The following DRC1 variants were observed in gnomAD, a reference collection of about 807,000 sequenced individuals.
DRC1 encodes dynein regulatory complex subunit 1.
In DRC1, 74 loss-of-function variants were observed where a neutral mutation model predicts 98.7. The observed-to-expected ratio is 0.75, with a 90% CI of 0.62 to 0.91. The LOEUF (loss-of-function observed/expected upper bound fraction) is 0.91, where lower values mean the gene tolerates loss of function less well. Ranked by LOEUF, DRC1 falls within the 40% of genes least tolerant of loss-of-function variation. DRC1 has a pLI of 0.00. For synonymous variants in DRC1, 336 were observed against 334.1 expected (o/e 1.01, Z -0.06); for missense variants, 875 against 886.0 (o/e 0.99, Z 0.16).
At chr2:26,425,063 C>T (rs919146601) in intron 4 of DRC1, among the ~76,000 whole-genome samples, 1 of 152,052 alleles carries the variant, frequency 6.6e-6, no homozygotes, top group Non-Finnish European at 1.5e-5. Context: ...AATTCTATGC[C>T]CCTTAGACAC....
chr2:26,415,563 T>C (rs1572355918), intron 2 of DRC1, among the ~76,000 whole-genome samples: 1 of 152,364 alleles, frequency 6.6e-6, no homozygotes, highest in South Asian at 2.1e-4. Flanking sequence ...TGTGGGTTTT[T>C]GTTCCTGATC....
rs761559151 is a variant in DRC1, at chr2:26,454,668, G to C, written c.1941G>C (p.Arg647Ser). Residue 647 changes from arginine (R) to serine (S), a missense_variant, in exon 15 of 17, where the codon AGG becomes AGC. Arg to Ser is a moderately radical substitution (Grantham distance 110). Transcript: ENST00000288710. This position sits in a 1 kb window ranked among gnomAD's most constrained non-coding sequence, Gnocchi z 5.2. ...KKPRDSRAPL[R>S]VQKNVRDNSK... is the part of the protein sequence containing the mutation. Reference sequence around the variant, plus strand: ...TCAGGGACTCGCGGGCCCCGCTGAGGGTACAGAAGAATGTGCGTGACAACT... The same window carrying C: ...TCAGGGACTCGCGGGCCCCGCTGAGCGTACAGAAGAATGTGCGTGACAACT... 2 of 1,614,108 alleles carry C rather than the reference G, an allele frequency of 1.2e-6. No homozygotes were observed. Among genetic ancestry groups the C allele is most frequent in the South Asian group, 1.1e-5 (1 of 91,078 alleles).
intron 2 of DRC1, among the ~76,000 whole-genome samples, chr2:26,420,276 G>A (rs1663092744): frequency 1.3e-5 from 2 of 152,138 alleles, no homozygotes. Context: ...GGCTGGGAAA[G>A]GTACCTATTT....
chr2:26,427,833 AT>A (rs1663325731), intron 4 of DRC1, among the ~76,000 whole-genome samples: 1 of 152,168 alleles, frequency 6.6e-6, no homozygotes, highest in African/African-American at 2.4e-5. Context: ...CAAAGTTTGA[AT>A]TTTTGTGCCT....
chr2:26,410,561 T>C (rs1377471780), intron 1 of DRC1, among the ~76,000 whole-genome samples: 1 of 152,148 alleles, frequency 6.6e-6, no homozygotes, highest in East Asian at 1.9e-4. Flanking sequence ...CATGAGCCAC[T>C]GCACCCAGCC....
At chr2:26,433,636 C>T (rs796551274) in intron 7 of DRC1, among the ~76,000 whole-genome samples, 3 of 152,274 alleles carry the variant, frequency 2.0e-5, no homozygotes, top group African/African-American at 7.2e-5. Context: ...AATTTCATGT[C>T]CTTAATCCAA....
chr2:26,450,094 A>G lies in DRC1; in HGVS notation c.1599+9A>G. 1.2e-6 allele frequency: 2 copies of G among 1,610,416 alleles called. No homozygotes were observed. Among genetic ancestry groups the G allele is most frequent in the Non-Finnish European group, 1.7e-6 (2 of 1,178,532 alleles). On this transcript the variant is annotated intron_variant, in intron 12 of 16. Coordinates refer to ENST00000288710, the MANE Select transcript of DRC1 (RefSeq NM_145038.5). ...TGGATGCCATCTTCTCCGTGAGTCC[A>G]ACGGGGCTGGGAGGACACGGGTGGG... is the stretch of plus-strand genomic sequence containing the variant.
In DRC1 at chr2:26,439,936, T is replaced by TATATATATATATACACAC. The variant is rs548209014; in HGVS notation, c.889-441_889-440insTATATATATATACACACA. 1.1e-4 allele frequency among the ~76,000 whole-genome samples: 8 copies of TATATATATATATACACAC among 75,496 alleles called. 1 individual carries two copies. The highest frequency in any genetic ancestry group is 2.6e-4 in the African/African-American group (6 of 23,054). 49.5% of individuals were successfully genotyped at this position (75,496 alleles called of 152,430 possible). On this transcript the variant is annotated intron_variant, in intron 7 of 16. Coordinates refer to ENST00000288710, the MANE Select transcript of DRC1 (RefSeq NM_145038.5). ...ACTAGTGTGTGAATATATATATATATACACACACACATACACACACACACA... is the reference window on the plus strand; with the variant it reads ...ACTAGTGTGTGAATATATATATATATATATATATATATACACACACACACACACATACACACACACACA...
In DRC1 at chr2:26,454,754, T is replaced by G; in HGVS notation, c.2027T>G (p.Leu676Arg). The change falls in exon 15 of 17, where the codon CTC (leucine) becomes CGC (arginine). Residue 676 changes from leucine to arginine, a missense_variant. Transcript: ENST00000288710. The surrounding 1 kb of genome is among the most constrained non-coding windows in gnomAD (Gnocchi z 5.2). ...TTVIPSSKQN[L>R]WDALYTALEK... Reference sequence around the variant, plus strand: ...GTGATCCCTTCCTCCAAGCAGAACCTCTGGGATGCCCTCTACACAGCCTTG... The same window carrying G: ...GTGATCCCTTCCTCCAAGCAGAACCGCTGGGATGCCCTCTACACAGCCTTG... 6.2e-7 allele frequency: 1 copy of G among 1,614,024 alleles called. No homozygotes were observed. Among genetic ancestry groups the G allele is most frequent in the Non-Finnish European group, 8.5e-7 (1 of 1,179,984 alleles).
chr2:26,437,236 G>A (rs924520833), intron 7 of DRC1, among the ~76,000 whole-genome samples: 39 of 152,206 alleles, frequency 2.6e-4, no homozygotes, highest in African/African-American at 9.2e-4. Context: ...GAAGGGGACA[G>A]GGCCCAAAGC....
At chr2:26,426,987 T>C (rs1663300658) in intron 4 of DRC1, among the ~76,000 whole-genome samples, 1 of 152,226 alleles carries the variant, frequency 6.6e-6, no homozygotes, top group South Asian at 2.1e-4. Flanking sequence ...GCCTACTTTG[T>C]TAAGTTTATT....
chr2:26,414,869 T>A (rs1021684421), intron 2 of DRC1, among the ~76,000 whole-genome samples: 1 of 152,002 alleles, frequency 6.6e-6, no homozygotes, highest in Non-Finnish European at 1.5e-5. Context: ...CCCCCTCTAT[T>A]CTCCTCTTCT....
At chr2:26,453,137 T>C (rs918048578) in intron 13 of DRC1, among the ~76,000 whole-genome samples, 183 bp from the exon 14 acceptor site, 3 of 152,226 alleles carry the variant, frequency 2.0e-5, no homozygotes, top group Non-Finnish European at 4.4e-5. Flanking sequence ...AGCCTCCTAG[T>C]GCCTCTCCCC....
At chr2:26,440,050 A>G (rs946819004) in intron 7 of DRC1, among the ~76,000 whole-genome samples, 6 of 149,420 alleles carry the variant, frequency 4.0e-5, no homozygotes, top group Non-Finnish European at 8.9e-5. Context: ...AGAGCAGATA[A>G]GTTTATAAAT....
chr2:26,448,414 G>A, intron 10 of DRC1: 1 of 587,644 alleles, frequency 1.7e-6, no homozygotes, highest in Non-Finnish European at 3.3e-6. Context: ...TTTTGAGTAT[G>A]ATGTTTCCAG....
intron 14 of DRC1, 45 bp downstream of exon 14, chr2:26,453,594 G>T (rs377746108): frequency 2.8e-5 from 44 of 1,577,100 alleles, no homozygotes; most frequent in Non-Finnish European, 1.9e-5. Flanking sequence ...AGAACCAGGG[G>T]AGCTGGATGG....
Position 26,455,193 on chromosome 2 carries a change from CAG to C in DRC1, c.2129_2130del (p.Glu710AlafsTer16), listed in dbSNP as rs1558458094. 1 of 1,614,034 alleles carries C rather than the reference CAG, an allele frequency of 6.2e-7. No homozygotes were observed. Among genetic ancestry groups the C allele is most frequent in the Non-Finnish European group, 8.5e-7 (1 of 1,180,028 alleles). On this transcript the variant is annotated frameshift_variant, in exon 16 of 17. Transcript: ENST00000288710. LOFTEE classifies it high-confidence loss of function. ...AACAGTTCTCTGGAGCAGCAGAACA[CAG>C]AGCTGCAGGCGCTACTGCAGCAGTA...
chr2:26,408,154 C>T (rs1678483117), intron 1 of DRC1, among the ~76,000 whole-genome samples: 1 of 152,062 alleles, frequency 6.6e-6, no homozygotes, highest in South Asian at 2.1e-4. Context: ...GTGGAGGTGA[C>T]AAAGGGAACC....
chr2:26,454,046 A>G lies in DRC1; in HGVS notation c.1919+497A>G, dbSNP rs958181863. Among the ~76,000 whole-genome samples the G allele has an allele frequency of 2.0e-5, 3 of 152,172 alleles. No individual in the cohort carries two copies. Among genetic ancestry groups the G allele is most frequent in the Non-Finnish European group, 4.4e-5 (3 of 68,016 alleles). On this transcript the variant is annotated intron_variant, in intron 14 of 16. Coordinates refer to ENST00000288710, the MANE Select transcript of DRC1 (RefSeq NM_145038.5). The surrounding 1 kb of genome is among the most constrained non-coding windows in gnomAD (Gnocchi z 5.2). ...CACAGGAGGTCTGGCTGGAGTGTCA[A>G]GGGCCTGGGAGGTGGCACTGGTGGG...
Sources: gnomAD v4.1 joint callset for allele counts (sites outside exome capture counted in the v4.1 genomes callset) on GRCh38, gnomAD v4.1.1 for gene constraint, Gnocchi (gnomAD v3.1) non-coding constraint, MANE v1.5 for transcripts, NCBI Gene and HGNC (gene_info 2026-07-23, HGNC 2026-07-21) for gene names.